Variants in LRRC36 observed in about 807,000 individuals in gnomAD.
LRRC36 encodes leucine-rich repeat-containing protein 36.
A neutral mutation model predicts 81.1 loss-of-function variants in LRRC36; 62 were observed. The observed-to-expected ratio is 0.76, with a 90% confidence interval of 0.62 to 0.94. The LOEUF is 0.94. Among genes scored for constraint, LRRC36 ranks in the 40% least tolerant of loss-of-function variants. LRRC36 has a pLI of 0.00. For synonymous variants in LRRC36, 334 were observed against 348.6 expected (o/e 0.96, Z 0.47); for missense variants, 761 against 881.7 (o/e 0.86, Z 1.73).
chr16:67,362,767 T>TTTG (rs111993299), intron 5 of LRRC36, among the ~76,000 whole-genome samples: 26,442 of 151,160 alleles, frequency 0.17, 5,537 homozygotes, highest in African/African-American at 0.51. Context: ...TTTTTTTGTT[T>TTTG]TTGTTGTTGT....
chr16:67,366,607 G>T (rs1052432751), intron 7 of LRRC36, among the ~76,000 whole-genome samples: 5 of 152,012 alleles, frequency 3.3e-5, no homozygotes, highest in African/African-American at 1.2e-4. Context: ...AAAGCTAGCT[G>T]GGCATGGTGG....
chr16:67,377,541 G>A (rs1490843670), intron 11 of LRRC36, among the ~76,000 whole-genome samples: 2 of 149,300 alleles, frequency 1.3e-5, no homozygotes, highest in Non-Finnish European at 3.0e-5. Flanking sequence ...CATGTTGGCC[G>A]AGGTGGTCTC....
intron 5 of LRRC36, among the ~76,000 whole-genome samples, chr16:67,352,202 T>A (rs2038677437): frequency 2.0e-5 from 3 of 152,366 alleles, no homozygotes; most frequent in South Asian, 2.1e-4. Context: ...GGATTTTTTT[T>A]AATATAAAAT....
At chr16:67,343,102 T>C (rs1287887144) in intron 2 of LRRC36, among the ~76,000 whole-genome samples, 1 of 152,238 alleles carries the variant, frequency 6.6e-6, no homozygotes, top group Non-Finnish European at 1.5e-5. Context: ...ATTTAAAAAA[T>C]GAAAAGATAA....
intron 5 of LRRC36, among the ~76,000 whole-genome samples, chr16:67,352,966 C>T (rs1174921173): frequency 2.0e-5 from 3 of 152,024 alleles, no homozygotes; most frequent in African/African-American, 2.4e-5. Context: ...GGATTATAGG[C>T]GTGAGCCACT....
At position 67,331,515 on chromosome 16, in the gene LRRC36, G is replaced by A. The variant is rs1192044700; in HGVS notation, c.70+4583G>A. On this transcript the variant is annotated intron_variant, in intron 1 of 13. Coordinates refer to ENST00000329956, the MANE Select transcript of LRRC36 (RefSeq NM_018296.6). ...CCTCCAGCCTAGTTGACAGAGCAAGGCCCTATCTCTGAATAAATTAATACA... is the reference window on the plus strand; with the variant it reads ...CCTCCAGCCTAGTTGACAGAGCAAGACCCTATCTCTGAATAAATTAATACA... Among the ~76,000 whole-genome samples, 4 of 152,222 alleles carry A rather than the reference G, an allele frequency of 2.6e-5. No homozygotes were observed. The East Asian group carries it at 7.7e-4, about 29-fold the overall frequency.
chr16:67,381,899 G>A (rs1261891067), intron 12 of LRRC36, among the ~76,000 whole-genome samples: 1 of 152,202 alleles, frequency 6.6e-6, no homozygotes, highest in Non-Finnish European at 1.5e-5. Flanking sequence ...TTACAGGCGT[G>A]AGCCACCGTG....
intron 1 of LRRC36, among the ~76,000 whole-genome samples, chr16:67,331,808 T>C (rs2037505045): frequency 6.6e-6 from 1 of 151,788 alleles, no homozygotes; most frequent in Non-Finnish European, 1.5e-5. Flanking sequence ...GCCAGCATGT[T>C]GAAACCCCAT....
intron 7 of LRRC36, among the ~76,000 whole-genome samples, chr16:67,366,465 A>G (rs992049071): frequency 3.9e-5 from 6 of 151,940 alleles, no homozygotes; most frequent in African/African-American, 1.4e-4. Context: ...AAATACAAAA[A>G]TTAGCCGGGC....
intron 1 of LRRC36, among the ~76,000 whole-genome samples, chr16:67,330,953 G>A (rs2037453215): frequency 6.6e-6 from 1 of 152,036 alleles, no homozygotes; most frequent in Admixed American, 6.6e-5. Flanking sequence ...AAGAACAGAA[G>A]TTGATTTGGC....
intron 6 of LRRC36, among the ~76,000 whole-genome samples, chr16:67,364,155 G>T (rs1286276276): frequency 6.6e-6 from 1 of 152,132 alleles, no homozygotes; most frequent in African/African-American, 2.4e-5. Context: ...CAGTATAACA[G>T]AAAAAGTAAA....
chr16:67,327,710 A>C (rs2037261087), intron 1 of LRRC36, among the ~76,000 whole-genome samples: 1 of 152,154 alleles, frequency 6.6e-6, no homozygotes, highest in Admixed American at 6.5e-5. Context: ...GAGAAGTGAA[A>C]GAAAGCTTAA....
intron 5 of LRRC36, among the ~76,000 whole-genome samples, chr16:67,355,479 A>G (rs1170722101): frequency 7.5e-6 from 1 of 134,192 alleles, no homozygotes; most frequent in Non-Finnish European, 1.5e-5. Flanking sequence ...GGTTCACGCC[A>G]TTCTCCTGCC....
At chr16:67,378,915 C>T (rs1226624820) in intron 12 of LRRC36, among the ~76,000 whole-genome samples, 2 of 152,184 alleles carry the variant, frequency 1.3e-5, no homozygotes, top group Non-Finnish European at 2.9e-5. Context: ...AGATGAAGCT[C>T]TTGTCAGTGG....
chr16:67,332,157 G>A (rs1053845097), intron 1 of LRRC36, among the ~76,000 whole-genome samples: 7 of 152,084 alleles, frequency 4.6e-5, no homozygotes, highest in African/African-American at 9.7e-5. Flanking sequence ...TGCCCACTGG[G>A]GTTATGTAAC....
chr16:67,366,851 G>C (rs2039419420), intron 7 of LRRC36, among the ~76,000 whole-genome samples, 166 bp from the exon 8 acceptor site: 1 of 152,122 alleles, frequency 6.6e-6, no homozygotes, highest in African/African-American at 2.4e-5. Context: ...GTTCCATGTG[G>C]AAGTCCTTTC....
intron 5 of LRRC36, among the ~76,000 whole-genome samples, chr16:67,355,523 C>T (rs991962487): frequency 4.0e-5 from 6 of 151,010 alleles, no homozygotes; most frequent in Admixed American, 3.3e-4. Flanking sequence ...TACAGGCGCC[C>T]GCCACTACGC....
Position 67,326,902 on chromosome 16 carries a change from C to A in LRRC36, c.40C>A (p.Arg14Ser). The A allele has an allele frequency of 6.8e-7, 1 of 1,475,152 alleles. No individual in the cohort carries two copies. The allele number at this position is 1,475,152 out of a possible 1,614,324, so 91.4% of individuals were successfully genotyped here. ...QWELDEEGIR[R>S]LGALTLEQPE... ...GGAGCTGGACGAGGAAGGCATTCGCCGCCTGGGGGCGCTGACGCTGGAGCA... is the reference window on the plus strand; with the variant it reads ...GGAGCTGGACGAGGAAGGCATTCGCAGCCTGGGGGCGCTGACGCTGGAGCA... Residue 14 changes from arginine to serine, a missense_variant, in exon 1 of 14, where the codon CGC (arginine) becomes AGC (serine). This residue lies in a region of LRRC36 where 263 missense variants were observed against 279.3 expected (regional missense o/e 0.94). Transcript: ENST00000329956.
intron 1 of LRRC36, among the ~76,000 whole-genome samples, chr16:67,340,162 A>T (rs190889911): frequency 1.3e-5 from 2 of 152,202 alleles, no homozygotes; most frequent in East Asian, 3.9e-4. Flanking sequence ...ATAAATAATA[A>T]AATAAAATAA....
Sources: gnomAD v4.1 joint callset for allele counts (sites outside exome capture counted in the v4.1 genomes callset) on GRCh38, gnomAD v4.1.1 for gene constraint, gnomAD v4.1.1 regional missense constraint, MANE v1.5 for transcripts, NCBI Gene and HGNC (gene_info 2026-07-23, HGNC 2026-07-21) for gene names.